BTG3: variants seen among roughly 807,000 people sequenced by gnomAD.
BTG3 encodes protein BTG3.
BTG3 carries 4 observed loss-of-function variants against 25.8 expected under a neutral mutation model. The ratio of observed to expected loss-of-function variants is 0.16; its 90% CI spans 0.08 to 0.36. The LOEUF is 0.36. Among genes scored for constraint, BTG3 ranks in the 10% least tolerant of loss-of-function variants. The pLI, the probability that BTG3 is intolerant of heterozygous loss-of-function variation, is 1.00. For missense variants in BTG3, 201 were observed against 304.9 expected (o/e 0.66, Z 2.54); for synonymous variants, 107 against 99.9 (o/e 1.07, Z -0.42).
At chr21:17,611,671 G>C (rs1360713097) in intron 1 of BTG3, 2 of 152,144 alleles carry the variant, frequency 1.3e-5, no homozygotes, top group African/African-American at 2.4e-5. Context: ...AGAGCAAAAG[G>C]CTCCCATTTT....
intron 2 of BTG3, 101 bp from the exon 3 acceptor site, chr21:17,605,098 A>T (rs2061621915): frequency 7.7e-7 from 1 of 1,300,164 alleles, no homozygotes. Context: ...AAATAGTAAT[A>T]AAAAAATACC....
At chr21:17,605,247 A>G (rs2061623613) in intron 2 of BTG3, 2 of 320,560 alleles carry the variant, frequency 6.2e-6, no homozygotes, top group South Asian at 7.5e-5. Flanking sequence ...CAGTCTACCC[A>G]GAGACTTGAC....
chr21:17,597,736 T>A (rs936235467), intron 4 of BTG3, among the ~76,000 whole-genome samples: 12 of 198 alleles, frequency 0.061, no homozygotes, highest in Admixed American at 0.18. Context: ...GAGAAAAAAA[T>A]GAGAAAACCA....
At position 17,612,857 on chromosome 21, in the gene BTG3, G is replaced by C. The variant is rs2061755330; in HGVS notation, c.-167C>G. Reference sequence around the variant, plus strand: ...GGCTCCCGCGTCGTCGGGCGGCCAAGCGCGCGTTGAGAGGACTGGCGGGCG... The same window carrying C: ...GGCTCCCGCGTCGTCGGGCGGCCAACCGCGCGTTGAGAGGACTGGCGGGCG... On this transcript the variant is annotated 5_prime_UTR_variant, in exon 1 of 5. Transcript: ENST00000348354. 1 of 152,128 alleles carries C rather than the reference G, an allele frequency of 6.6e-6. No individual in the cohort carries two copies. The highest frequency in any genetic ancestry group is 6.5e-5 in the Admixed American group (1 of 15,278). The allele number at this position is 152,128 out of a possible 1,614,324, so 9.4% of individuals were successfully genotyped here. A position where few individuals can be genotyped will look rare whatever the true frequency, so the allele number is the denominator to read the frequency against.
intron 2 of BTG3, among the ~76,000 whole-genome samples, chr21:17,607,538 T>C (rs2061659940): frequency 6.6e-6 from 1 of 152,210 alleles, no homozygotes. Flanking sequence ...TTTGATTCTC[T>C]TCTTGTCAAT....
At chr21:17,606,463 T>C (rs576364433) in intron 2 of BTG3, among the ~76,000 whole-genome samples, 25 of 152,278 alleles carry the variant, frequency 1.6e-4, no homozygotes, top group Admixed American at 1.4e-3. Context: ...CATGGTCTTA[T>C]GCTATAGATT....
intron 4 of BTG3, among the ~76,000 whole-genome samples, chr21:17,598,071 A>T (rs2061526150): frequency 6.6e-6 from 1 of 152,198 alleles, no homozygotes; most frequent in South Asian, 2.1e-4. Flanking sequence ...AAGTCGATTA[A>T]ATGTTCTTTG....
chr21:17,606,211 C>T (rs907499196), intron 2 of BTG3, among the ~76,000 whole-genome samples: 1 of 151,966 alleles, frequency 6.6e-6, no homozygotes, highest in Admixed American at 6.5e-5. Context: ...ATACTTTTTT[C>T]CTCAGCATAA....
At position 17,594,151 on chromosome 21, in the gene BTG3, G is replaced by A. The variant is rs1156423604; in HGVS notation, c.701C>T (p.Pro234Leu). The change falls in exon 5 of 5, where the codon CCT becomes CTT. Residue 234 changes from proline to leucine, a missense_variant. Coordinates refer to ENST00000348354, the MANE Select transcript of BTG3 (RefSeq NM_006806.5). The stretch of plus-strand genomic sequence containing the variant: ...GTGATTCCGGTCACAATGCATTCCA[G>A]GAGGAGGTACCCATGTCACTGGAAT... ...RPIPVTWVPP[P>L]GMHCDRNHWI... 3 of 1,613,300 alleles carry A rather than the reference G, an allele frequency of 1.9e-6. No individual in the cohort carries two copies. The highest frequency in any genetic ancestry group is 2.5e-6 in the Non-Finnish European group (3 of 1,179,418).
chr21:17,596,232 T>TATGGTTTGCCCATTTTCTTA (rs2061502399), intron 4 of BTG3, among the ~76,000 whole-genome samples: 2 of 152,076 alleles, frequency 1.3e-5, no homozygotes, highest in South Asian at 4.1e-4. Flanking sequence ...TGTCCTAGTC[T>TATGGTTTGCCCATTTTCTTA]ATGGTTTGCC....
intron 4 of BTG3, among the ~76,000 whole-genome samples, chr21:17,595,755 A>G (rs1423609502): frequency 6.6e-6 from 1 of 152,072 alleles, no homozygotes; most frequent in African/African-American, 2.4e-5. Context: ...TAATTCTAAT[A>G]GAAGGCTTTA....
rs2061535113 is a variant in BTG3, at chr21:17,598,737, C to A, written c.399G>T (p.Arg133Ser). 2 of 1,614,064 alleles carry A rather than the reference C, an allele frequency of 1.2e-6. No individual in the cohort carries two copies. The change falls in exon 4 of 5, where the codon AGG becomes AGT. Residue 133 changes from arginine (R) to serine (S), a missense_variant. By Grantham distance (110) the Arg-to-Ser change is moderately radical (BLOSUM62 -1). Transcript: ENST00000348354. ...NKDEISRKVT[R>S]ALDKVTSDYH... ...AATCAGAGGTAACCTTATCAAGGGC[C>A]CTGGTAACTTTCCTGGAGATCTCAT...
At chr21:17,612,427 A>G (rs1330147204) in intron 1 of BTG3, 1 of 152,194 alleles carries the variant, frequency 6.6e-6, no homozygotes, top group African/African-American at 2.4e-5. Flanking sequence ...GCGCTGTGGG[A>G]AACGTGGCAG....
chr21:17,594,237 A>G lies in BTG3; in HGVS notation c.615T>C (p.Tyr205=), dbSNP rs765374841. 6.2e-7 allele frequency: 1 copy of G among 1,613,342 alleles called. No individual in the cohort carries two copies. Among genetic ancestry groups the G allele is most frequent in the Non-Finnish European group, 8.5e-7 (1 of 1,179,426 alleles). The part of the protein sequence containing the change: ...MYRGNGHQNH[Y]PPPVPFGYPN... ...GATAACCAAATGGAACAGGAGGAGG[A>G]TAGTGATTCTGATGGCCATTCCCTC... The change falls in exon 5 of 5, where the codon TAT becomes TAC. Residue 205 remains tyrosine, a synonymous_variant. Coordinates refer to ENST00000348354, the MANE Select transcript of BTG3 (RefSeq NM_006806.5).
intron 3 of BTG3, among the ~76,000 whole-genome samples, chr21:17,600,141 T>TA (rs982777130): frequency 2.1e-3 from 320 of 151,674 alleles, no homozygotes; most frequent in African/African-American, 7.1e-3. Flanking sequence ...GCTGGTTACT[T>TA]AAAAAAAAAT....
At chr21:17,597,434 C>T (rs536056499) in intron 4 of BTG3, among the ~76,000 whole-genome samples, 7 of 151,262 alleles carry the variant, frequency 4.6e-5, no homozygotes, top group Admixed American at 4.6e-4. Flanking sequence ...AAAAATGATC[C>T]TGAAGTACAA....
intron 4 of BTG3, among the ~76,000 whole-genome samples, chr21:17,597,240 G>T (rs2061515565): frequency 6.6e-6 from 1 of 151,960 alleles, no homozygotes; most frequent in African/African-American, 2.4e-5. Context: ...TAATTTGCTT[G>T]TAAAAAATTA....
Position 17,594,028 on chromosome 21 carries a change from T to C in BTG3, c.*65A>G. ...TACTATTAGTAAGAACTTTTAACTT[T>C]TAATGTGTAGTAAGGTTTATTCTAC... On this transcript the variant is annotated 3_prime_UTR_variant, in exon 5 of 5. Coordinates refer to ENST00000348354, the MANE Select transcript of BTG3 (RefSeq NM_006806.5). 1 of 1,535,650 alleles carries C rather than the reference T, an allele frequency of 6.5e-7. No homozygotes were observed. The highest frequency in any genetic ancestry group is 8.8e-7 in the Non-Finnish European group (1 of 1,142,496).
At chr21:17,612,349 G>A (rs2061741843) in intron 1 of BTG3, 1 of 152,268 alleles carries the variant, frequency 6.6e-6, no homozygotes, top group Non-Finnish European at 1.5e-5. Flanking sequence ...AAAAAACACC[G>A]ACGCGAAGGG....
Sources: gnomAD v4.1 joint callset for allele counts (sites outside exome capture counted in the v4.1 genomes callset) on GRCh38, gnomAD v4.1.1 for gene constraint, MANE v1.5 for transcripts, NCBI Gene and HGNC (gene_info 2026-07-23, HGNC 2026-07-21) for gene names.